The following MICU1 variants were observed in gnomAD, a reference collection of about 807,000 sequenced individuals.
The protein encoded by MICU1 is calcium uptake protein 1, mitochondrial.
MICU1 carries 45 observed loss-of-function variants against 56.8 expected under a neutral mutation model. The ratio of observed to expected loss-of-function variants is 0.79; its 90% CI spans 0.62 to 1.02. The LOEUF (loss-of-function observed/expected upper bound fraction) is 1.02. MICU1 is among the 50% of genes least tolerant of loss of function. The pLI is 0.00. For missense variants in MICU1, 504 were observed against 587.1 expected (o/e 0.86, Z 1.46); for synonymous variants, 186 against 195.1 (o/e 0.95, Z 0.39).
chr10:72,610,870 C>T (rs1017944462), intron 1 of MICU1, among the ~76,000 whole-genome samples: 1 of 152,098 alleles, frequency 6.6e-6, no homozygotes, highest in African/African-American at 2.4e-5. Context: ...CAACATGATA[C>T]ATTACTTTAC....
At chr10:72,489,579 C>T (rs770915490) in intron 6 of MICU1, among the ~76,000 whole-genome samples, 1 of 152,034 alleles carries the variant, frequency 6.6e-6, no homozygotes, top group Non-Finnish European at 1.5e-5. Flanking sequence ...CAAAAGGGTA[C>T]AATAAGGCTA....
intron 1 of MICU1, among the ~76,000 whole-genome samples, chr10:72,588,999 C>A (rs1482073998): frequency 6.6e-6 from 1 of 152,076 alleles, no homozygotes; most frequent in Non-Finnish European, 1.5e-5. Flanking sequence ...TGTTACAGGA[C>A]ATAATGGGCT....
chr10:72,375,884 AAG>A lies in MICU1; in HGVS notation c.1181-14_1181-13del, dbSNP rs745699654. The A allele has an allele frequency of 1.9e-6, 3 of 1,611,064 alleles. No homozygotes were observed. The highest frequency in any genetic ancestry group is 2.5e-6 in the Non-Finnish European group (3 of 1,178,550). On this transcript the variant is annotated splice_polypyrimidine_tract_variant and intron_variant, in intron 10 of 11. Coordinates refer to ENST00000361114, the MANE Select transcript of MICU1 (RefSeq NM_001195518.2). ...CTGCTGCATGGTCACTGAAAAAAGA[AAG>A]AGGTGCATTAGCACAGCAGAGGGAT...
At chr10:72,406,334 T>G (rs1417093134) in intron 10 of MICU1, among the ~76,000 whole-genome samples, 1 of 152,002 alleles carries the variant, frequency 6.6e-6, no homozygotes, top group East Asian at 1.9e-4. Flanking sequence ...AAATGAGACC[T>G]TAAAAAATGG....
At chr10:72,457,376 C>T (rs1033938503) in intron 8 of MICU1, among the ~76,000 whole-genome samples, 1 of 119,398 alleles carries the variant, frequency 8.4e-6, no homozygotes. Flanking sequence ...TGCCACCGTG[C>T]TTGGCCCATT....
At chr10:72,416,777 G>C (rs907884064) in intron 9 of MICU1, among the ~76,000 whole-genome samples, 1 of 152,094 alleles carries the variant, frequency 6.6e-6, no homozygotes, top group Non-Finnish European at 1.5e-5. Context: ...CTCTTCAGCT[G>C]GCTCTAATCT....
intron 5 of MICU1, among the ~76,000 whole-genome samples, chr10:72,510,870 A>G (rs1867424579): frequency 6.6e-6 from 1 of 152,086 alleles, no homozygotes; most frequent in Non-Finnish European, 1.5e-5. Context: ...GGCCTCAGGT[A>G]ATCCACCCAC....
chr10:72,444,147 TCA>T (rs1865028610), intron 8 of MICU1, among the ~76,000 whole-genome samples: 1 of 147,738 alleles, frequency 6.8e-6, no homozygotes, highest in Admixed American at 6.9e-5. Context: ...CCGCATATTC[TCA>T]CTCATAGGTG....
At chr10:72,533,182 T>C in intron 5 of MICU1, 1 of 1,255,522 alleles carries the variant, frequency 8.0e-7, no homozygotes, top group South Asian at 1.2e-5. Context: ...AAAAACATGT[T>C]TGACTGCTTT....
intron 5 of MICU1, among the ~76,000 whole-genome samples, chr10:72,516,574 C>T (rs1589298661): frequency 1.3e-5 from 2 of 152,246 alleles, no homozygotes; most frequent in African/African-American, 2.4e-5. Flanking sequence ...TTAGGTCTTA[C>T]ATTTAAGTCT....
At chr10:72,458,277 T>C (rs913138841) in intron 8 of MICU1, among the ~76,000 whole-genome samples, 1 of 152,164 alleles carries the variant, frequency 6.6e-6, no homozygotes, top group Non-Finnish European at 1.5e-5. Context: ...TGCAACACTC[T>C]GTATTAATGT....
At position 72,453,601 on chromosome 10, in the gene MICU1, C is replaced by T. The variant is rs375752130; in HGVS notation, c.933+21499G>A. ...CTGGAGTGCAGTGGCATATTCCTGG[C>T]TCACCGCAACCCCTGCCTCCCAGGT... On this transcript the variant is annotated intron_variant, in intron 8 of 11. Coordinates refer to ENST00000361114, the MANE Select transcript of MICU1 (RefSeq NM_001195518.2). 4.6e-5 allele frequency among the ~76,000 whole-genome samples: 7 copies of T among 152,144 alleles called. No homozygotes were observed. The East Asian group carries it at 9.7e-4, about 21-fold the overall frequency.
intron 8 of MICU1, among the ~76,000 whole-genome samples, chr10:72,436,915 G>A (rs574973876): frequency 2.0e-5 from 3 of 152,268 alleles, no homozygotes; most frequent in African/African-American, 4.8e-5. Context: ...CCAAATCTAC[G>A]TTTGTCTGGT....
intron 8 of MICU1, among the ~76,000 whole-genome samples, chr10:72,436,548 G>A (rs980426153): frequency 6.6e-6 from 1 of 152,190 alleles, no homozygotes; most frequent in Non-Finnish European, 1.5e-5. Context: ...AACAAAGCTA[G>A]ACAGAGAATG....
chr10:72,618,297 C>T (rs2132585239), intron 1 of MICU1, among the ~76,000 whole-genome samples: 1 of 152,034 alleles, frequency 6.6e-6, no homozygotes, highest in African/African-American at 2.4e-5. Flanking sequence ...TGAGGTCTCA[C>T]TATGTGGCCC....
chr10:72,455,350 C>CA (rs56378605), intron 8 of MICU1, among the ~76,000 whole-genome samples: 21,578 of 44,138 alleles, frequency 0.49, 7,850 homozygotes, highest in Non-Finnish European at 0.74. Context: ...GACTCTGTCT[C>CA]AAAAAAAAAA....
At chr10:72,494,670 A>C (rs1019633595) in intron 6 of MICU1, among the ~76,000 whole-genome samples, 1 of 146,332 alleles carries the variant, frequency 6.8e-6, no homozygotes. Flanking sequence ...AAATAAAATT[A>C]AAAAAAAAAA....
chr10:72,517,878 T>C (rs1867697863), intron 5 of MICU1, among the ~76,000 whole-genome samples: 1 of 151,912 alleles, frequency 6.6e-6, no homozygotes, highest in African/African-American at 2.4e-5. Context: ...AGTCATTCTT[T>C]CCCCTAAGCA....
chr10:72,495,655 C>CAA (rs758909513), intron 6 of MICU1, among the ~76,000 whole-genome samples: 144 of 84,904 alleles, frequency 1.7e-3, no homozygotes, highest in East Asian at 0.011. Flanking sequence ...ACCTCTGTCT[C>CAA]AAAAAAAAAA....
Sources: allele counts gnomAD v4.1 joint callset (sites outside exome capture counted in the v4.1 genomes callset), GRCh38; gene constraint gnomAD v4.1.1; transcripts MANE v1.5; gene names NCBI Gene and HGNC (gene_info 2026-07-23, HGNC 2026-07-21).